MYO1F: variants seen among roughly 807,000 people sequenced by gnomAD.
The protein encoded by MYO1F is unconventional myosin-If.
MYO1F carries 60 observed loss-of-function variants against 146.6 expected under a neutral mutation model. That is an observed-to-expected ratio of 0.41 (90% confidence interval 0.33 to 0.51). MYO1F has a LOEUF of 0.51. Among genes scored for constraint, MYO1F ranks in the 20% least tolerant of loss-of-function variants. The pLI is 0.25. For missense variants in MYO1F, 1,274 were observed against 1,534.3 expected (o/e 0.83, Z 2.83); for synonymous variants, 602 against 602.1 (o/e 1.00, Z 0.00).
Position 8,530,579 on chromosome 19 carries a change from C to T in MYO1F, c.2044-6G>A, listed in dbSNP as rs766119734. 16 of 1,608,496 alleles carry T rather than the reference C, an allele frequency of 9.9e-6. No individual in the cohort carries two copies. Among genetic ancestry groups the T allele is most frequent in the Middle Eastern group, 1.7e-4 (1 of 6,048 alleles). On this transcript the variant is annotated splice_polypyrimidine_tract_variant and splice_region_variant and intron_variant, in intron 19 of 27. Transcript: ENST00000644032. This position sits in a 1 kb window ranked among gnomAD's most constrained non-coding sequence, Gnocchi z 5.8. Reference sequence around the variant, plus strand: ...ACCTCCTCCAGGAGGAAAAGCTGGGCGGGGGTCGTGGGGGGCAAGGGTGAG... The same window carrying T: ...ACCTCCTCCAGGAGGAAAAGCTGGGTGGGGGTCGTGGGGGGCAAGGGTGAG...
At chr19:8,521,814 GT>G (rs35658338) in intron 27 of MYO1F, among the ~76,000 whole-genome samples, 1,905 of 149,246 alleles carry the variant, frequency 0.013, 17 homozygotes, top group East Asian at 0.02. Context: ...CTCTTTAAAA[GT>G]TTTTTTTTTG....
intron 8 of MYO1F, 70 bp downstream of exon 8, chr19:8,551,670 T>C (rs1973616125): frequency 6.2e-7 from 1 of 1,611,892 alleles, no homozygotes; most frequent in Non-Finnish European, 8.5e-7. Flanking sequence ...GTTTCCTAAT[T>C]TGTAACTCAG....
At chr19:8,533,082 G>A (rs1972557749) in intron 19 of MYO1F, among the ~76,000 whole-genome samples, 1 of 152,016 alleles carries the variant, frequency 6.6e-6, no homozygotes, top group Admixed American at 6.6e-5. Flanking sequence ...CAGAGACAGG[G>A]TCTTGCTCTG....
intron 8 of MYO1F, among the ~76,000 whole-genome samples, chr19:8,551,194 G>A (rs1973591793): frequency 6.6e-6 from 1 of 151,832 alleles, no homozygotes; most frequent in Admixed American, 6.6e-5. Flanking sequence ...TGGGACTACA[G>A]GCGCATGGCA....
At chr19:8,552,998 C>A in intron 6 of MYO1F, 141 bp downstream of exon 6, 1 of 811,828 alleles carries the variant, frequency 1.2e-6, no homozygotes, top group Non-Finnish European at 2.1e-6. Flanking sequence ...AAGTGAGTCT[C>A]CCCTTCAGGA....
In MYO1F at chr19:8,544,312, G is replaced by A. The variant is rs376037505; in HGVS notation, c.1509C>T (p.His503=). 2.4e-5 allele frequency: 39 copies of A among 1,612,986 alleles called. No homozygotes were observed. In the African/African-American group the frequency reaches 4.4e-4, roughly 18 times the overall value. The part of the protein sequence containing the change: ...FNSWSAGFVI[H]HYAGKVSYDV... ...GGGGGCGCACCTTGCCAGCGTAGTG[G>A]TGGATGACGAAGCCGGCGCTCCAGC... The change falls in exon 14 of 28, where the codon CAC becomes CAT. Residue 503 remains histidine, a synonymous_variant. Transcript: ENST00000644032.
chr19:8,537,381 A>G (rs1288953005), intron 16 of MYO1F, among the ~76,000 whole-genome samples: 1 of 151,848 alleles, frequency 6.6e-6, no homozygotes, highest in Non-Finnish European at 1.5e-5. Flanking sequence ...CCCTTATGAG[A>G]GCATTTCTTT....
At chr19:8,566,996 GAATTACTT>G (rs577854357) in intron 1 of MYO1F, among the ~76,000 whole-genome samples, 24 of 151,354 alleles carry the variant, frequency 1.6e-4, no homozygotes, top group African/African-American at 5.8e-4. Context: ...CTTTTTATGT[GAATTACTT>G]CATCTTATCC....
At chr19:8,562,212 A>G (rs1035678728) in intron 1 of MYO1F, among the ~76,000 whole-genome samples, 2 of 150,584 alleles carry the variant, frequency 1.3e-5, no homozygotes, top group African/African-American at 5.0e-5. Flanking sequence ...CGTGTTAGCC[A>G]GGATGGTCTT....
chr19:8,524,555 A>G (rs1972188375), intron 25 of MYO1F, among the ~76,000 whole-genome samples: 1 of 150,608 alleles, frequency 6.6e-6, no homozygotes, highest in African/African-American at 2.4e-5. Flanking sequence ...ACTGCACTCC[A>G]GCCTGGGTGA....
chr19:8,555,577 G>T, intron 2 of MYO1F, 82 bp downstream of exon 2: 1 of 1,587,706 alleles, frequency 6.3e-7, no homozygotes, highest in East Asian at 2.2e-5. Context: ...TCCTCCCTCT[G>T]CTCCTTCACC....
rs1974127202 is a variant in MYO1F at position 8,561,541 on chromosome 19, CTT to C, written c.4-5747_4-5746del. On this transcript the variant is annotated intron_variant, in intron 1 of 27. Coordinates refer to ENST00000644032, the MANE Select transcript of MYO1F (RefSeq NM_012335.4). Reference sequence around the variant, plus strand: ...CTCTCTTTCTCTCTTCTTTCTTCCTCTTTCTTTCCCTCCCTCCCCTCCTCTCC... The same window carrying C: ...CTCTCTTTCTCTCTTCTTTCTTCCTCTCTTTCCCTCCCTCCCCTCCTCTCC... Among the ~76,000 whole-genome samples the C allele has an allele frequency of 2.8e-5, 4 of 144,216 alleles. No individual in the cohort carries two copies. The South Asian group carries it at 6.9e-4, about 25-fold the overall frequency. 94.6% of individuals were successfully genotyped at this position (144,216 alleles called of 152,430 possible).
intron 1 of MYO1F, among the ~76,000 whole-genome samples, chr19:8,562,309 T>C (rs78946364): frequency 0.096 from 14,603 of 152,070 alleles, 888 homozygotes; most frequent in Admixed American, 0.14. Flanking sequence ...CCTTCCTTTC[T>C]TTTTCTTGTC....
At chr19:8,544,141 G>T in intron 14 of MYO1F, 156 bp downstream of exon 14, 2 of 833,288 alleles carry the variant, frequency 2.4e-6, no homozygotes, top group Admixed American at 4.1e-5. Context: ...TGGTTAGTAG[G>T]GGGTGGATTG....
intron 14 of MYO1F, chr19:8,544,000 T>TGCTGGTGGTGGC (rs1973207343): frequency 2.6e-5 from 4 of 154,838 alleles, no homozygotes; most frequent in Non-Finnish European, 3.2e-5. Context: ...GTGGTGCTGG[T>TGCTGGTGGTGGC]GGTGGCGGTG....
intron 1 of MYO1F, among the ~76,000 whole-genome samples, chr19:8,566,480 T>C (rs1484606866): frequency 2.7e-5 from 4 of 149,050 alleles, no homozygotes; most frequent in Non-Finnish European, 5.9e-5. Context: ...TCTATGCTTT[T>C]TAAAAAAAAT....
chr19:8,536,212 T>C (rs1027189253), intron 19 of MYO1F, 40 bp downstream of exon 19: 2 of 1,598,096 alleles, frequency 1.3e-6, no homozygotes. Context: ...TTTCTCTCTC[T>C]TCCCCTCTCC....
At chr19:8,574,564 T>TTTCTTTCTTTCC in intron 1 of MYO1F, among the ~76,000 whole-genome samples, 1 of 85,628 alleles carries the variant, frequency 1.2e-5, no homozygotes, top group Non-Finnish European at 2.3e-5. Flanking sequence ...TCTTTCTTTC[T>TTTCTTTCTTTCC]TTCTTTCTTT....
At chr19:8,564,716 A>G (rs914227291) in intron 1 of MYO1F, among the ~76,000 whole-genome samples, 7 of 151,430 alleles carry the variant, frequency 4.6e-5, no homozygotes, top group Admixed American at 2.6e-4. Flanking sequence ...GAGAAGGGGA[A>G]GAGGGAGAGA....
Sources: gnomAD v4.1 joint callset for allele counts (sites outside exome capture counted in the v4.1 genomes callset) on GRCh38, gnomAD v4.1.1 for gene constraint, Gnocchi (gnomAD v3.1) non-coding constraint, MANE v1.5 for transcripts, NCBI Gene and HGNC (gene_info 2026-07-23, HGNC 2026-07-21) for gene names.